GRM7: variants seen among roughly 807,000 people sequenced by gnomAD.
The protein encoded by GRM7 is glutamate metabotropic receptor 7.
In GRM7, 35 loss-of-function variants were observed where a neutral mutation model predicts 84.5. The ratio of observed to expected loss-of-function variants is 0.41; its 90% confidence interval spans 0.32 to 0.55. The LOEUF (loss-of-function observed/expected upper bound fraction) is 0.55. Among genes scored for constraint, GRM7 ranks in the 20% least tolerant of loss-of-function variants. The pLI is 0.19. For synonymous variants in GRM7, 487 were observed against 455.1 expected (o/e 1.07, Z -0.89); for missense variants, 1,003 against 1,194.6 (o/e 0.84, Z 2.36).
At chr3:6,935,548 G>A (rs1386493168) in intron 1 of GRM7, among the ~76,000 whole-genome samples, 1 of 151,732 alleles carries the variant, frequency 6.6e-6, no homozygotes, top group Non-Finnish European at 1.5e-5. Context: ...TACCTGCTCT[G>A]TGAAAACAGA....
intron 2 of GRM7, among the ~76,000 whole-genome samples, chr3:7,293,953 A>G (rs1192648480): frequency 6.6e-6 from 1 of 152,200 alleles, no homozygotes; most frequent in Non-Finnish European, 1.5e-5. Context: ...TGATCAAAAC[A>G]GTATGTTTAT....
chr3:7,088,094 A>C (rs1416048122), intron 1 of GRM7, among the ~76,000 whole-genome samples: 1 of 152,188 alleles, frequency 6.6e-6, no homozygotes, highest in Admixed American at 6.5e-5. Flanking sequence ...ATACCATGAA[A>C]ATTACTGTGA....
chr3:7,593,959 C>T (rs1695916942), intron 8 of GRM7, among the ~76,000 whole-genome samples: 1 of 151,152 alleles, frequency 6.6e-6, no homozygotes, highest in Non-Finnish European at 1.5e-5. Context: ...AAAAAAAAAA[C>T]ACTGAAAGTG....
At chr3:7,583,081 C>T (rs1194128383) in intron 8 of GRM7, among the ~76,000 whole-genome samples, 1 of 152,090 alleles carries the variant, frequency 6.6e-6, no homozygotes, top group African/African-American at 2.4e-5. Flanking sequence ...AATCAAGGAA[C>T]CAGGAGATCA....
intron 1 of GRM7, among the ~76,000 whole-genome samples, chr3:7,009,820 G>C (rs947255767): frequency 6.6e-6 from 1 of 152,116 alleles, no homozygotes; most frequent in Non-Finnish European, 1.5e-5. Context: ...CTTGAGATGG[G>C]CTTTGGGAAT....
chr3:7,705,071 T>A (rs565457965), intron 9 of GRM7, among the ~76,000 whole-genome samples: 1 of 152,122 alleles, frequency 6.6e-6, no homozygotes, highest in African/African-American at 2.4e-5. Flanking sequence ...TGTGCCAAGG[T>A]CTAGAGGGTG....
At chr3:7,620,840 C>T (rs1415397173) in intron 8 of GRM7, among the ~76,000 whole-genome samples, 1 of 152,130 alleles carries the variant, frequency 6.6e-6, no homozygotes, top group Non-Finnish European at 1.5e-5. Flanking sequence ...TCCAGAATTT[C>T]AATAGTGTAC....
intron 8 of GRM7, among the ~76,000 whole-genome samples, chr3:7,635,698 A>C (rs540479930): frequency 2.4e-3 from 371 of 152,254 alleles, no homozygotes; most frequent in South Asian, 7.1e-3. Flanking sequence ...TTTAGGGACA[A>C]GGTCTTGCTG....
chr3:7,452,520 G>A lies in GRM7; in HGVS notation c.1175-87G>A, dbSNP rs1417813102. 9.9e-6 allele frequency: 9 copies of A among 913,366 alleles called. No individual in the cohort carries two copies. The East Asian group carries it at 1.9e-4, about 20-fold the overall frequency. The allele number at this position is 913,366 out of a possible 1,614,324, so 56.6% of individuals were successfully genotyped here. A position where few individuals can be genotyped will look rare whatever the true frequency, so the allele number is the denominator to read the frequency against. ...GTGTTTTCTTTAAGCATAATTGAAA[G>A]TTTACTTTTAAATTTGGACATTCTA... On this transcript the variant is annotated intron_variant, in intron 5 of 9. Coordinates refer to ENST00000357716, the MANE Select transcript of GRM7 (RefSeq NM_000844.4).
At chr3:7,216,038 T>C (rs558044861) in intron 2 of GRM7, among the ~76,000 whole-genome samples, 56 of 152,336 alleles carry the variant, frequency 3.7e-4, no homozygotes, top group African/African-American at 1.3e-3. Context: ...CTCATGTTTA[T>C]GTAAAAGTTT....
intron 1 of GRM7, among the ~76,000 whole-genome samples, chr3:6,883,808 A>G (rs1695595215): frequency 6.6e-6 from 1 of 152,214 alleles, no homozygotes; most frequent in Non-Finnish European, 1.5e-5. Flanking sequence ...TCCTGCTTAT[A>G]GAATCTTGAT....
At chr3:7,673,655 G>T (rs1207326196) in intron 8 of GRM7, among the ~76,000 whole-genome samples, 5 of 152,008 alleles carry the variant, frequency 3.3e-5, no homozygotes, top group Admixed American at 3.3e-4. Context: ...TTTTTTCATG[G>T]AAGTGGATGC....
At chr3:7,000,321 G>A (rs1249864826) in intron 1 of GRM7, among the ~76,000 whole-genome samples, 1 of 151,892 alleles carries the variant, frequency 6.6e-6, no homozygotes, top group Non-Finnish European at 1.5e-5. Flanking sequence ...ACAGGTGCCT[G>A]CAATTGCACC....
intron 1 of GRM7, among the ~76,000 whole-genome samples, chr3:6,903,777 A>G (rs1696476449): frequency 6.6e-6 from 1 of 152,176 alleles, no homozygotes. Context: ...TCCTTAACCA[A>G]CAAATAATAT....
At position 7,548,746 on chromosome 3, in the gene GRM7, T is replaced by C. The variant is rs112134399; in HGVS notation, c.1516-29676T>C. Among the ~76,000 whole-genome samples the C allele has an allele frequency of 6.8e-3, 1,031 of 152,322 alleles. 13 individuals carry two copies. The highest frequency in any genetic ancestry group is 0.023 in the African/African-American group (954 of 41,568). On this transcript the variant is annotated intron_variant, in intron 7 of 9. Transcript: ENST00000357716. ...CTACAGCCATTTTGAAGCACTAGTG[T>C]GTGGGCATTCAGGAAGAGGCAAGTG...
intron 2 of GRM7, among the ~76,000 whole-genome samples, chr3:7,168,766 A>G (rs765139911): frequency 6.6e-6 from 1 of 152,242 alleles, no homozygotes. Flanking sequence ...TGCATTCAGC[A>G]TTCAGAAGTG....
At chr3:6,957,138 C>T (rs1324259901) in intron 1 of GRM7, among the ~76,000 whole-genome samples, 1 of 152,170 alleles carries the variant, frequency 6.6e-6, no homozygotes, top group African/African-American at 2.4e-5. Context: ...CCTTTGGACC[C>T]TGGTGTCGTT....
At chr3:6,943,226 A>G (rs1697950094) in intron 1 of GRM7, among the ~76,000 whole-genome samples, 1 of 151,718 alleles carries the variant, frequency 6.6e-6, no homozygotes, top group Admixed American at 6.6e-5. Context: ...AGTCTAATTT[A>G]TATATATTTT....
intron 1 of GRM7, among the ~76,000 whole-genome samples, chr3:7,021,967 A>G (rs1695791220): frequency 6.6e-6 from 1 of 152,194 alleles, no homozygotes; most frequent in African/African-American, 2.4e-5. Context: ...TAAATTACAC[A>G]CAGTATGAAC....
Sources: allele counts gnomAD v4.1 joint callset (sites outside exome capture counted in the v4.1 genomes callset), GRCh38; gene constraint gnomAD v4.1.1; transcripts MANE v1.5; gene names NCBI Gene and HGNC (gene_info 2026-07-23, HGNC 2026-07-21).